The following TRAPPC10 variants were observed in gnomAD, a reference collection of about 807,000 sequenced individuals.
TRAPPC10 encodes TRAPP 130 kDa subunit.
A neutral mutation model predicts 125.5 loss-of-function variants in TRAPPC10; 23 were observed. The ratio of observed to expected loss-of-function variants is 0.18; its 90% CI spans 0.13 to 0.26. The LOEUF is 0.26. Ranked by LOEUF, TRAPPC10 falls within the 10% of genes least tolerant of loss-of-function variation. TRAPPC10 has a pLI of 1.00. For missense variants in TRAPPC10, 1,123 were observed against 1,308.4 expected (o/e 0.86, Z 2.19); for synonymous variants, 509 against 518.0 (o/e 0.98, Z 0.24).
rs768211057 is a variant in TRAPPC10, at chr21:44,055,941, C to G, written c.678+48C>G. 3.5e-6 allele frequency: 5 copies of G among 1,439,046 alleles called. No individual in the cohort carries two copies. In the South Asian group the frequency reaches 4.4e-5, roughly 13 times the overall value. 89.1% of individuals were successfully genotyped at this position (1,439,046 alleles called of 1,614,324 possible). ...AGACAGTTCCTTCTCTCCTTCCCTCCTTTGTTCCCTCCCTCTCTCCTCCTT... is the reference window on the plus strand; with the variant it reads ...AGACAGTTCCTTCTCTCCTTCCCTCGTTTGTTCCCTCCCTCTCTCCTCCTT... On this transcript the variant is annotated intron_variant, in intron 5 of 22. Coordinates refer to ENST00000291574, the MANE Select transcript of TRAPPC10 (RefSeq NM_003274.5).
intron 18 of TRAPPC10, 102 bp downstream of exon 18, chr21:44,090,035 C>T (rs1411743630): frequency 2.7e-5 from 22 of 803,676 alleles, no homozygotes; most frequent in Non-Finnish European, 4.1e-5. Context: ...CCAAGGATGT[C>T]TTCTTATGTG....
At chr21:44,023,995 A>C (rs1409437656) in intron 1 of TRAPPC10, among the ~76,000 whole-genome samples, 3 of 152,214 alleles carry the variant, frequency 2.0e-5, no homozygotes, top group Non-Finnish European at 4.4e-5. Context: ...CGTGTTGGCC[A>C]AGCTGGTCTC....
chr21:44,074,133 A>G (rs2037095091), intron 7 of TRAPPC10, among the ~76,000 whole-genome samples, 191 bp from the exon 8 acceptor site: 1 of 152,148 alleles, frequency 6.6e-6, no homozygotes. Context: ...CTCTCTTCCC[A>G]TGTGAATGTA....
At chr21:44,044,152 CA>C (rs1408266523) in intron 3 of TRAPPC10, among the ~76,000 whole-genome samples, 1 of 152,204 alleles carries the variant, frequency 6.6e-6, no homozygotes, top group African/African-American at 2.4e-5. Context: ...GAATTTTAAT[CA>C]TGAGTCTTCT....
chr21:44,028,314 C>T lies in TRAPPC10; in HGVS notation c.68-3777C>T, dbSNP rs912095743. 9.2e-5 allele frequency among the ~76,000 whole-genome samples: 14 copies of T among 152,348 alleles called. No homozygotes were observed. In the South Asian group the frequency reaches 1.7e-3, roughly 18 times the overall value. On this transcript the variant is annotated intron_variant, in intron 1 of 22. Transcript: ENST00000291574. ...GTAATCAGACCCCAGAGCTCTGCCC[C>T]GCTTTCCCGGGGATTCTCTGAACTG...
chr21:44,052,150 A>C, intron 3 of TRAPPC10, 130 bp from the exon 4 acceptor site: 1 of 786,876 alleles, frequency 1.3e-6, no homozygotes, highest in Non-Finnish European at 1.9e-6. Flanking sequence ...TTTTTATTCA[A>C]TTTAAGTCCC....
chr21:44,076,042 T>G (rs932537065), intron 9 of TRAPPC10, among the ~76,000 whole-genome samples: 3 of 125,196 alleles, frequency 2.4e-5, no homozygotes, highest in African/African-American at 1.4e-4. Flanking sequence ...AGAGCAAAAC[T>G]CTGTCAAAAA....
intron 2 of TRAPPC10, among the ~76,000 whole-genome samples, chr21:44,032,379 C>CTTTTTT (rs1200011844): frequency 8.3e-5 from 9 of 108,472 alleles, no homozygotes; most frequent in African/African-American, 1.1e-4. Context: ...CCATGGTTTT[C>CTTTTTT]TTTTTTTTTT....
intron 1 of TRAPPC10, among the ~76,000 whole-genome samples, chr21:44,012,867 G>A (rs1170609073): frequency 6.6e-6 from 1 of 151,938 alleles, no homozygotes; most frequent in Non-Finnish European, 1.5e-5. Context: ...GAGGAGCGGG[G>A]GCTGCCACCG....
At chr21:44,094,359 C>A in intron 20 of TRAPPC10, 126 bp downstream of exon 20, 1 of 938,114 alleles carries the variant, frequency 1.1e-6, no homozygotes, top group Non-Finnish European at 1.6e-6. Flanking sequence ...TGGAGAAAAA[C>A]AGTTGTTGGG....
At chr21:44,041,955 A>G (rs2034454035) in intron 3 of TRAPPC10, among the ~76,000 whole-genome samples, 2 of 151,964 alleles carry the variant, frequency 1.3e-5, no homozygotes, top group South Asian at 4.1e-4. Flanking sequence ...CAAACTCCTG[A>G]CATCAGGCGA....
At chr21:44,090,025 C>G in intron 18 of TRAPPC10, 92 bp downstream of exon 18, 1 of 917,986 alleles carries the variant, frequency 1.1e-6, no homozygotes, top group Non-Finnish European at 1.7e-6. Flanking sequence ...TTCGTGGTGA[C>G]CAAGGATGTC....
intron 7 of TRAPPC10, among the ~76,000 whole-genome samples, chr21:44,071,061 G>A (rs1391070599): frequency 6.6e-6 from 1 of 152,216 alleles, no homozygotes; most frequent in African/African-American, 2.4e-5. Flanking sequence ...AAAAAGAACA[G>A]GCCGACAGAC....
intron 9 of TRAPPC10, among the ~76,000 whole-genome samples, chr21:44,076,244 A>G (rs528654789): frequency 6.6e-6 from 1 of 152,230 alleles, no homozygotes; most frequent in African/African-American, 2.4e-5. Context: ...CATTGTTTCA[A>G]CTTGAGACCA....
intron 15 of TRAPPC10, 139 bp downstream of exon 15, chr21:44,084,402 C>A: frequency 1.3e-6 from 1 of 771,336 alleles, no homozygotes; most frequent in Non-Finnish European, 1.9e-6. Context: ...GGAAATTTTG[C>A]CTGGGAACTA....
chr21:44,079,995 T>G lies in TRAPPC10; in HGVS notation c.1611-20T>G, dbSNP rs1273596893. On this transcript the variant is annotated intron_variant, in intron 12 of 22. Coordinates refer to ENST00000291574, the MANE Select transcript of TRAPPC10 (RefSeq NM_003274.5). ...CTCCTAAGTATGAGCCTCTCCACGC[T>G]CCTTACCTCTCCGCTCCAGCTACCT... is the stretch of plus-strand genomic sequence containing the variant. 7 of 1,607,370 alleles carry G rather than the reference T, an allele frequency of 4.4e-6. No homozygotes were observed. The highest frequency in any genetic ancestry group is 6.0e-6 in the Non-Finnish European group (7 of 1,174,400).
At chr21:44,078,730 G>A (rs1439736581) in intron 11 of TRAPPC10, among the ~76,000 whole-genome samples, 1 of 152,182 alleles carries the variant, frequency 6.6e-6, no homozygotes, top group Non-Finnish European at 1.5e-5. Context: ...GAGGCTTCTC[G>A]GGAAAGGGGA....
At chr21:44,080,276 T>G in intron 13 of TRAPPC10, 149 bp downstream of exon 13, 1 of 671,036 alleles carries the variant, frequency 1.5e-6, no homozygotes, top group Non-Finnish European at 2.5e-6. Flanking sequence ...ACCTGACTTT[T>G]TTTTTTATTT....
In TRAPPC10 at chr21:44,037,861, G is replaced by A. The variant is rs1388469052; in HGVS notation, c.219G>A (p.Leu73=). Residue 73 remains leucine (L), a synonymous_variant, in exon 3 of 23, where the codon CTG becomes CTA. Coordinates refer to ENST00000291574, the MANE Select transcript of TRAPPC10 (RefSeq NM_003274.5). ...TTGTTCAATTCAAAGAGGAGCTGCT[G>A]CCCAAAGAAGGAAACAAAGCTCTGC... is the stretch of plus-strand genomic sequence containing the variant. ...SNFVQFKEEL[L]PKEGNKALLT... 4.3e-6 allele frequency: 7 copies of A among 1,614,066 alleles called. No homozygotes were observed. The highest frequency in any genetic ancestry group is 1.3e-5 in the African/African-American group (1 of 74,938).
Sources: allele counts gnomAD v4.1 joint callset (sites outside exome capture counted in the v4.1 genomes callset), GRCh38; gene constraint gnomAD v4.1.1; transcripts MANE v1.5; gene names NCBI Gene and HGNC (gene_info 2026-07-23, HGNC 2026-07-21).